XKR4: variants seen among roughly 807,000 people sequenced by gnomAD.
XKR4 encodes the protein XK related 4.
Under a neutral mutation model 53.9 loss-of-function variants are expected in XKR4, and 12 were observed. The ratio of observed to expected loss-of-function variants is 0.22; its 90% CI spans 0.14 to 0.36. XKR4 has a LOEUF of 0.36. XKR4 is among the 10% of genes least tolerant of loss of function. The probability of loss-of-function intolerance (pLI) is 1.00; values close to 1 mark genes in which losing one functional copy is unlikely to be tolerated. For missense variants in XKR4, 799 were observed against 859.5 expected, an observed-to-expected ratio of 0.93 and a Z score of 0.88; for synonymous variants, 354 against 362.4, an observed-to-expected ratio of 0.98 and a Z score of 0.26.
chr8:55,177,576 T>C (rs966554770), intron 1 of XKR4, among the ~76,000 whole-genome samples: 1 of 152,218 alleles, frequency 6.6e-6, no homozygotes, highest in Admixed American at 6.5e-5. Flanking sequence ...GAGTTAGCTG[T>C]GTGTGTCACA....
rs541321670 is a variant in XKR4 at position 55,289,851 on chromosome 8, GGAAAGAAAGAAAGAAA to G, written c.807-67786_807-67771del. On this transcript the variant is annotated intron_variant, in intron 1 of 2. Transcript: ENST00000327381. ...GGAAGGAAGGAAGAGAAAGAAAGAAGGAAAGAAAGAAAGAAAGAAAGAAAGAAAGAAAGAAAGAAAG... is the reference window on the plus strand; with the variant it reads ...GGAAGGAAGGAAGAGAAAGAAAGAAGGAAAGAAAGAAAGAAAGAAAGAAAG... 6.5e-4 allele frequency among the ~76,000 whole-genome samples: 88 copies of G among 135,704 alleles called. No individual in the cohort carries two copies. The East Asian group carries it at 7.7e-3, about 12-fold the overall frequency. The allele number at this position is 135,704 out of a possible 152,430, so 89.0% of individuals were successfully genotyped here. A position where few individuals can be genotyped will look rare whatever the true frequency, so the allele number is the denominator to read the frequency against.
At chr8:55,338,590 G>C (rs547751252) in intron 1 of XKR4, among the ~76,000 whole-genome samples, 2 of 152,300 alleles carry the variant, frequency 1.3e-5, no homozygotes, top group South Asian at 4.1e-4. Flanking sequence ...GACAAGTCCT[G>C]GGACAAAAAG....
At chr8:55,496,215 G>A (rs1437023240) in intron 2 of XKR4, among the ~76,000 whole-genome samples, 1 of 152,172 alleles carries the variant, frequency 6.6e-6, no homozygotes, top group African/African-American at 2.4e-5. Context: ...ATGCTTCTAA[G>A]CTCTAATGCT....
chr8:55,442,615 T>C (rs898003825), intron 2 of XKR4, among the ~76,000 whole-genome samples: 2 of 152,340 alleles, frequency 1.3e-5, no homozygotes, highest in African/African-American at 2.4e-5. Flanking sequence ...AAACATAGTA[T>C]AGCCATGCAA....
At chr8:55,454,838 A>ATCCTCCTCT in intron 2 of XKR4, 1 of 764,002 alleles carries the variant, frequency 1.3e-6, no homozygotes, top group Non-Finnish European at 2.4e-6. Context: ...GGCCTCCCTC[A>ATCCTCCTCT]TCCTCCTCTT....
At chr8:55,507,516 A>C (rs970849228) in intron 2 of XKR4, among the ~76,000 whole-genome samples, 1 of 152,082 alleles carries the variant, frequency 6.6e-6, no homozygotes, top group Non-Finnish European at 1.5e-5. Flanking sequence ...CGCACCCTAC[A>C]ACAGGCCCCA....
intron 1 of XKR4, among the ~76,000 whole-genome samples, chr8:55,309,314 T>C (rs1267170189): frequency 6.6e-6 from 1 of 152,190 alleles, no homozygotes; most frequent in Admixed American, 6.5e-5. Context: ...CCCTGAAAGA[T>C]TACATACTAT....
chr8:55,384,520 G>A (rs903871337), intron 2 of XKR4, among the ~76,000 whole-genome samples: 5 of 152,120 alleles, frequency 3.3e-5, no homozygotes, highest in African/African-American at 1.2e-4. Context: ...AAAAAAAATA[G>A]CCAAACGTTA....
chr8:55,254,979 G>A (rs917160225), intron 1 of XKR4, among the ~76,000 whole-genome samples: 2 of 152,108 alleles, frequency 1.3e-5, no homozygotes, highest in East Asian at 1.9e-4. Flanking sequence ...GATGCTTTCC[G>A]GATGCTATGA....
intron 2 of XKR4, among the ~76,000 whole-genome samples, chr8:55,492,120 A>G (rs1032259489): frequency 6.6e-6 from 1 of 152,168 alleles, no homozygotes; most frequent in East Asian, 1.9e-4. Context: ...GCAAAGAGCC[A>G]GGGCAATTGC....
chr8:55,122,407 A>G (rs899487056), intron 1 of XKR4, among the ~76,000 whole-genome samples: 1 of 152,250 alleles, frequency 6.6e-6, no homozygotes, highest in African/African-American at 2.4e-5. Context: ...ATGATGCATT[A>G]TGACTATTTT....
In XKR4 at chr8:55,127,774, C is replaced by A. The variant is rs569612673; in HGVS notation, c.806+24480C>A. On this transcript the variant is annotated intron_variant, in intron 1 of 2. Coordinates refer to ENST00000327381, the MANE Select transcript of XKR4 (RefSeq NM_052898.2). ...GTCCCCAGTGTGTGATGTTCCCCTT[C>A]CTGTGTCCATGTGTTCTCATTGTTC... Among the ~76,000 whole-genome samples the A allele has an allele frequency of 4.9e-3, 686 of 139,316 alleles. 6 individuals carry two copies. Among genetic ancestry groups the A allele is most frequent in the African/African-American group, 0.017 (648 of 37,688 alleles). The allele number at this position is 139,316 out of a possible 152,430, so 91.4% of individuals were successfully genotyped here. A position where few individuals can be genotyped will look rare whatever the true frequency, so the allele number is the denominator to read the frequency against.
intron 1 of XKR4, among the ~76,000 whole-genome samples, chr8:55,265,410 G>C (rs966241115): frequency 6.6e-6 from 1 of 152,214 alleles, no homozygotes; most frequent in African/African-American, 2.4e-5. Context: ...TGGCTCCAAG[G>C]CTGGCCTGAA....
At chr8:55,213,856 C>CTTTTTTTTTTTTTTT (rs11433893) in intron 1 of XKR4, among the ~76,000 whole-genome samples, 74 of 82,362 alleles carry the variant, frequency 9.0e-4, no homozygotes, top group Non-Finnish European at 1.2e-3. Context: ...TTCTTTCTTT[C>CTTTTTTTTTTTTTTT]TTTTTTTTTT....
intron 2 of XKR4, among the ~76,000 whole-genome samples, chr8:55,438,102 C>T (rs1457680859): frequency 6.6e-6 from 1 of 152,028 alleles, no homozygotes; most frequent in African/African-American, 2.4e-5. Flanking sequence ...GAGAGGGTGG[C>T]TTGAGAATGA....
intron 1 of XKR4, among the ~76,000 whole-genome samples, chr8:55,195,950 C>T (rs11985868): frequency 0.029 from 4,370 of 152,130 alleles, 216 homozygotes; most frequent in African/African-American, 0.098. Flanking sequence ...TAGATGTCTC[C>T]GGGAAAGTCA....
At chr8:55,382,097 A>G (rs1804243670) in intron 2 of XKR4, among the ~76,000 whole-genome samples, 1 of 152,258 alleles carries the variant, frequency 6.6e-6, no homozygotes, top group Admixed American at 6.5e-5. Context: ...AAGGCTTTAT[A>G]ACATTGTAAT....
chr8:55,480,409 A>G lies in XKR4; in HGVS notation c.1007-42872A>G, dbSNP rs537056396. Among the ~76,000 whole-genome samples, 9 of 152,336 alleles carry G rather than the reference A, an allele frequency of 5.9e-5. No homozygotes were observed. The South Asian group carries it at 1.9e-3, about 32-fold the overall frequency. Reference sequence around the variant, plus strand: ...TATTGTTGGGACGTATCTCAAAATTATAAGAGCTATCTATGACAAACCCAC... The same window carrying G: ...TATTGTTGGGACGTATCTCAAAATTGTAAGAGCTATCTATGACAAACCCAC... On this transcript the variant is annotated intron_variant, in intron 2 of 2. Transcript: ENST00000327381.
At chr8:55,504,952 TA>T (rs1220942745) in intron 2 of XKR4, among the ~76,000 whole-genome samples, 1 of 152,058 alleles carries the variant, frequency 6.6e-6, no homozygotes, top group Non-Finnish European at 1.5e-5. Context: ...TTTTTTTTCT[TA>T]ATCTAGCTAA....
Sources: gnomAD v4.1 joint callset for allele counts (sites outside exome capture counted in the v4.1 genomes callset) on GRCh38, gnomAD v4.1.1 for gene constraint, MANE v1.5 for transcripts, NCBI Gene and HGNC (gene_info 2026-07-23, HGNC 2026-07-21) for gene names.